The following NR6A1 variants were observed in gnomAD, a reference collection of about 807,000 sequenced individuals.
The protein encoded by NR6A1 is retinoic acid receptor-related testis-associated receptor.
Under a neutral mutation model 59.1 loss-of-function variants are expected in NR6A1, and 7 were observed. That is an observed-to-expected ratio of 0.12 (90% CI 0.07 to 0.22). The LOEUF is 0.22. NR6A1 is among the 10% of genes least tolerant of loss of function. The pLI is 1.00. For synonymous variants in NR6A1, 243 were observed against 236.1 expected (o/e 1.03, Z -0.27); for missense variants, 468 against 611.6 (o/e 0.77, Z 2.48).
At chr9:124,559,801 T>C (rs181797044) in intron 2 of NR6A1, among the ~76,000 whole-genome samples, 72 of 152,158 alleles carry the variant, frequency 4.7e-4, no homozygotes, top group African/African-American at 1.7e-3. Context: ...ATAATAATAA[T>C]GGAGTGTCCA....
At chr9:124,640,487 A>T (rs1454142209) in intron 2 of NR6A1, among the ~76,000 whole-genome samples, 1 of 151,922 alleles carries the variant, frequency 6.6e-6, no homozygotes, top group East Asian at 1.9e-4. Flanking sequence ...GTAACCATGA[A>T]CTCATGGGCT....
At chr9:124,736,488 T>A (rs374941389) in intron 1 of NR6A1, among the ~76,000 whole-genome samples, 1 of 152,190 alleles carries the variant, frequency 6.6e-6, no homozygotes, top group African/African-American at 2.4e-5. Context: ...CCAAGGAGAA[T>A]TGACCCTAAC....
chr9:124,581,585 C>T (rs1006865987), intron 2 of NR6A1, among the ~76,000 whole-genome samples: 3 of 151,880 alleles, frequency 2.0e-5, no homozygotes, highest in Non-Finnish European at 2.9e-5. Context: ...AGCAAGACTC[C>T]GTCTCAAAAA....
At chr9:124,758,165 T>G (rs185524827) in intron 1 of NR6A1, among the ~76,000 whole-genome samples, 1 of 112,538 alleles carries the variant, frequency 8.9e-6, no homozygotes, top group South Asian at 2.9e-4. Context: ...CATTAGGTGA[T>G]TGATTAAGTT....
intron 2 of NR6A1, among the ~76,000 whole-genome samples, chr9:124,696,520 C>CTTTTTTTTT (rs10625540): frequency 2.9e-5 from 3 of 104,992 alleles, no homozygotes; most frequent in African/African-American, 7.8e-5. Context: ...TGTTCTCTAG[C>CTTTTTTTTT]TTTTTTTTTT....
At chr9:124,691,770 A>G (rs1838553548) in intron 2 of NR6A1, among the ~76,000 whole-genome samples, 1 of 152,248 alleles carries the variant, frequency 6.6e-6, no homozygotes, top group African/African-American at 2.4e-5. Context: ...GTAACTTAGT[A>G]ATGCAGGATC....
At chr9:124,667,409 G>A (rs1451175167) in intron 2 of NR6A1, among the ~76,000 whole-genome samples, 1 of 152,046 alleles carries the variant, frequency 6.6e-6, no homozygotes, top group Non-Finnish European at 1.5e-5. Context: ...AGGTTTCAAA[G>A]GCATAAGTAT....
Position 124,696,104 on chromosome 9 carries a change from A to G in NR6A1, c.142+37204T>C, listed in dbSNP as rs117243311. On this transcript the variant is annotated intron_variant, in intron 2 of 9. Transcript: ENST00000487099. ...TCCAGAGACTGTATTAGGGAGTCAT[A>G]AGGAATGGCACTGAAAAGGTAAAAG... Among the ~76,000 whole-genome samples, 1,266 of 152,308 alleles carry G rather than the reference A, an allele frequency of 8.3e-3. 9 individuals are homozygous for G. The highest frequency in any genetic ancestry group is 0.013 in the Non-Finnish European group (858 of 68,020).
chr9:124,727,519 T>C (rs1292971722), intron 2 of NR6A1, among the ~76,000 whole-genome samples: 2 of 152,236 alleles, frequency 1.3e-5, no homozygotes, highest in Admixed American at 1.3e-4. Context: ...ACGTTAACAT[T>C]GTATTTGGAC....
chr9:124,598,562 T>G, intron 2 of NR6A1: 1 of 258,138 alleles, frequency 3.9e-6, no homozygotes, highest in South Asian at 5.7e-5. Flanking sequence ...AAATTATTAT[T>G]TTTAAATTTT....
At chr9:124,592,086 T>C (rs768080348) in intron 2 of NR6A1, among the ~76,000 whole-genome samples, 126 of 152,190 alleles carry the variant, frequency 8.3e-4, no homozygotes, top group Non-Finnish European at 1.6e-3. Context: ...GTTGCCATAT[T>C]TGTGCCTCTG....
At chr9:124,538,637 T>C (rs1833353598) in intron 5 of NR6A1, among the ~76,000 whole-genome samples, 1 of 152,148 alleles carries the variant, frequency 6.6e-6, no homozygotes, top group Non-Finnish European at 1.5e-5. Flanking sequence ...CAGATACTTG[T>C]AGACTATGAT....
intron 1 of NR6A1, among the ~76,000 whole-genome samples, chr9:124,742,474 T>C (rs1044865395): frequency 1.3e-5 from 2 of 151,876 alleles, no homozygotes; most frequent in Non-Finnish European, 2.9e-5. Context: ...GGCAGGAGAA[T>C]TGCTTGAACC....
chr9:124,707,473 G>T (rs1839167936), intron 2 of NR6A1, among the ~76,000 whole-genome samples: 1 of 150,146 alleles, frequency 6.7e-6, no homozygotes, highest in Non-Finnish European at 1.5e-5. Context: ...TCTTATGTGT[G>T]CTAGATCCAA....
chr9:124,675,429 C>T (rs1837924505), intron 2 of NR6A1, among the ~76,000 whole-genome samples: 1 of 152,210 alleles, frequency 6.6e-6, no homozygotes, highest in African/African-American at 2.4e-5. Flanking sequence ...TGACTGAATA[C>T]AGTCAGAGAG....
chr9:124,529,675 A>G (rs781725632), intron 7 of NR6A1, among the ~76,000 whole-genome samples: 4 of 152,190 alleles, frequency 2.6e-5, no homozygotes, highest in African/African-American at 4.8e-5. Flanking sequence ...AGGGGACCTC[A>G]GGAGTTGTGT....
At chr9:124,624,919 T>G (rs993105701) in intron 2 of NR6A1, among the ~76,000 whole-genome samples, 1 of 151,202 alleles carries the variant, frequency 6.6e-6, no homozygotes, top group Non-Finnish European at 1.5e-5. Context: ...CTTGTTTTTT[T>G]TTTTTTTTTT....
At chr9:124,547,797 AAG>A (rs1833643649) in intron 3 of NR6A1, among the ~76,000 whole-genome samples, 1 of 152,222 alleles carries the variant, frequency 6.6e-6, no homozygotes, top group Non-Finnish European at 1.5e-5. Context: ...AATAAAGACA[AAG>A]AAAGACTGAC....
chr9:124,593,982 T>C (rs905574109), intron 2 of NR6A1, among the ~76,000 whole-genome samples: 1 of 152,258 alleles, frequency 6.6e-6, no homozygotes, highest in Non-Finnish European at 1.5e-5. Flanking sequence ...AAAGCTTGAA[T>C]AGAGTTAACC....
Sources: allele counts gnomAD v4.1 joint callset (sites outside exome capture counted in the v4.1 genomes callset), GRCh38; gene constraint gnomAD v4.1.1; transcripts MANE v1.5; gene names NCBI Gene and HGNC (gene_info 2026-07-23, HGNC 2026-07-21).